Variants in NFATC1 observed in about 807,000 individuals in gnomAD.
NFATC1 encodes the protein nuclear factor of activated T-cells, cytoplasmic 1.
In NFATC1, 22 loss-of-function variants were observed where a neutral mutation model predicts 76.0. That is an observed-to-expected ratio of 0.29 (90% CI 0.21 to 0.41). The LOEUF (loss-of-function observed/expected upper bound fraction) is 0.41. Among genes scored for constraint, NFATC1 ranks in the 10% least tolerant of loss-of-function variants. NFATC1 has a pLI of 1.00. For missense variants in NFATC1, 1,357 were observed against 1,337.7 expected (o/e 1.01, Z -0.23); for synonymous variants, 704 against 613.1 (o/e 1.15, Z -2.19).
At chr18:79,508,479 T>G (rs1308765729) in intron 9 of NFATC1, among the ~76,000 whole-genome samples, 1 of 152,158 alleles carries the variant, frequency 6.6e-6, no homozygotes, top group Non-Finnish European at 1.5e-5. Context: ...TATCTGTTAA[T>G]TAGGTGTTTA....
In NFATC1 at chr18:79,465,463, C is replaced by G. The variant is rs545254838; in HGVS notation, c.1960-1987C>G. On this transcript the variant is annotated intron_variant, in intron 7 of 9. Transcript: ENST00000427363. The surrounding 1 kb of genome is among the most constrained non-coding windows in gnomAD (Gnocchi z 4.2). ...CAAGGTCCCGCCTCCGCCCAGCCAG[C>G]CTGGCCCACGGAATCTCCGCCTCTG... Among the ~76,000 whole-genome samples the G allele has an allele frequency of 6.6e-6, 1 of 151,362 alleles. No homozygotes were observed. Among genetic ancestry groups the G allele is most frequent in the African/African-American group, 2.4e-5 (1 of 41,234 alleles).
At chr18:79,507,053 G>C (rs1349397455) in intron 9 of NFATC1, among the ~76,000 whole-genome samples, 1 of 152,222 alleles carries the variant, frequency 6.6e-6, no homozygotes, top group Admixed American at 6.5e-5. Context: ...TCACCCCAGA[G>C]CTGTGGCTGG....
In NFATC1 at chr18:79,411,216, C is replaced by T; in HGVS notation, c.941C>T (p.Ala314Val). Residue 314 changes from alanine (A) to valine (V), a missense_variant, in exon 2 of 10, where the codon GCC becomes GTC. Ala to Val is a moderately conservative substitution (Grantham distance 64, BLOSUM62 0). Transcript: ENST00000427363. ...CAGTACACCAGCTCGGCCATCGTGG[C>T]CGCCATCAACGCGCTGACCACCGAC... ...TTQYTSSAIV[A>V]AINALTTDSS... is the part of the protein sequence containing the mutation. The T allele has an allele frequency of 6.2e-7, 1 of 1,607,308 alleles. No individual in the cohort carries two copies.
At chr18:79,440,222 A>G (rs1012217970) in intron 3 of NFATC1, among the ~76,000 whole-genome samples, 2 of 152,116 alleles carry the variant, frequency 1.3e-5, no homozygotes, top group African/African-American at 4.8e-5. Context: ...GCTTTGGGAA[A>G]ATTTAAGATG....
At position 79,524,653 on chromosome 18, in the gene NFATC1, C is replaced by G. The variant is rs906814335; in HGVS notation, c.2783-2875C>G. 4.6e-5 allele frequency among the ~76,000 whole-genome samples: 7 copies of G among 152,142 alleles called. No individual in the cohort carries two copies. The highest frequency in any genetic ancestry group is 1.7e-4 in the African/African-American group (7 of 41,418). On this transcript the variant is annotated intron_variant, in intron 9 of 9. Transcript: ENST00000427363. This position sits in a 1 kb window ranked among gnomAD's most constrained non-coding sequence, Gnocchi z 7.2. ...CTCGACAGCTCTCTTGAGGTCGGCC[C>G]TCCTCCCCTCCCGAGAGCTCAGCAG...
rs541861358 is a variant in NFATC1, at chr18:79,443,453, A to G, written c.1387-5329A>G. Among the ~76,000 whole-genome samples, 5 of 152,320 alleles carry G rather than the reference A, an allele frequency of 3.3e-5. No individual in the cohort carries two copies. The South Asian group carries it at 1.0e-3, about 32-fold the overall frequency. On this transcript the variant is annotated intron_variant, in intron 3 of 9. Transcript: ENST00000427363. ...TCACCCAGGGCCTCTCGTGCAGGAAACTGCATGGACACGTCGTCCTGTTCC... is the reference window on the plus strand; with the variant it reads ...TCACCCAGGGCCTCTCGTGCAGGAAGCTGCATGGACACGTCGTCCTGTTCC...
chr18:79,496,164 C>T (rs1329141074), intron 9 of NFATC1: 3 of 152,690 alleles, frequency 2.0e-5, no homozygotes, highest in African/African-American at 4.8e-5. Context: ...TTTTAAGTGG[C>T]ATTGTCTCCA....
At chr18:79,397,514 C>A (rs902930836) in intron 1 of NFATC1, among the ~76,000 whole-genome samples, 1 of 152,216 alleles carries the variant, frequency 6.6e-6, no homozygotes, top group Non-Finnish European at 1.5e-5. Context: ...GTGGTCGGTG[C>A]CCTGACGCTT....
chr18:79,527,350 G>A, intron 9 of NFATC1, 178 bp from the exon 10 acceptor site: 1 of 583,360 alleles, frequency 1.7e-6, no homozygotes, highest in Non-Finnish European at 3.1e-6. Context: ...TGCCGAGGCA[G>A]CCAGGCACTG....
chr18:79,449,559 CGA>C (rs2087368453), intron 4 of NFATC1, among the ~76,000 whole-genome samples: 1 of 152,210 alleles, frequency 6.6e-6, no homozygotes, highest in South Asian at 2.1e-4. Flanking sequence ...TGCTGGTTCC[CGA>C]GAGATTGATG....
intron 8 of NFATC1, among the ~76,000 whole-genome samples, chr18:79,473,703 G>A (rs1278902982): frequency 6.7e-6 from 1 of 149,850 alleles, no homozygotes; most frequent in Non-Finnish European, 1.5e-5. Flanking sequence ...CACACTCACT[G>A]TCGACGTTGC....
intron 2 of NFATC1, 40 bp from the exon 3 acceptor site, chr18:79,433,539 G>T (rs1242388086): frequency 6.2e-6 from 10 of 1,611,544 alleles, no homozygotes; most frequent in Non-Finnish European, 7.6e-6. Context: ...GGCGAGGTCT[G>T]TGTGGTGCTG....
intron 6 of NFATC1, among the ~76,000 whole-genome samples, chr18:79,453,331 C>A (rs1379412461): frequency 6.6e-6 from 1 of 152,240 alleles, no homozygotes; most frequent in Non-Finnish European, 1.5e-5. Context: ...GAGCCTCCCC[C>A]CGAATGCAGT....
intron 8 of NFATC1, among the ~76,000 whole-genome samples, chr18:79,483,651 G>A (rs1403736342): frequency 6.8e-6 from 1 of 148,036 alleles, no homozygotes; most frequent in Non-Finnish European, 1.5e-5. Flanking sequence ...CTGGTCCTGG[G>A]GTGTAATTCC....
Position 79,467,580 on chromosome 18 carries a change from AC to A in NFATC1, c.2091del (p.Asn697LysfsTer5). 1 of 1,613,822 alleles carries A rather than the reference AC, an allele frequency of 6.2e-7. No individual in the cohort carries two copies. Among genetic ancestry groups the A allele is most frequent in the Non-Finnish European group, 8.5e-7 (1 of 1,179,908 alleles). On this transcript the variant is annotated frameshift_variant and splice_region_variant, in exon 8 of 10. Transcript: ENST00000427363. LOFTEE classifies it high-confidence loss of function. Reference sequence around the variant, plus strand: ...CAGCGTTTCACCTACCTTCCCGCCAACGGTAACGCCATCTTTCTAACCGTAA... The same window carrying A: ...CAGCGTTTCACCTACCTTCCCGCCAAGGTAACGCCATCTTTCTAACCGTAA... ...QYQRFTYLPA[N>X]VPIIKTEPTD... is the part of the protein sequence containing the mutation.
intron 6 of NFATC1, among the ~76,000 whole-genome samples, chr18:79,456,925 ACCT>A (rs2087764302): frequency 6.6e-6 from 1 of 152,114 alleles, no homozygotes; most frequent in South Asian, 2.1e-4. Flanking sequence ...CTCAGCTGTC[ACCT>A]CCTGAAGATG....
intron 9 of NFATC1, among the ~76,000 whole-genome samples, chr18:79,518,238 T>C (rs1389533123): frequency 6.6e-6 from 1 of 152,206 alleles, no homozygotes; most frequent in Non-Finnish European, 1.5e-5. Context: ...TTCCCATCGC[T>C]TTCCCGGTCG....
At position 79,410,065 on chromosome 18, in the gene NFATC1, T is replaced by G; in HGVS notation, c.128-338T>G. ...GAAGGACGTTCGGATGAAGATGGGG[T>G]GGTTGGGGAAGGTGGTTTTTGAATG... On this transcript the variant is annotated intron_variant, in intron 1 of 9. Transcript: ENST00000427363. The surrounding 1 kb of genome is among the most constrained non-coding windows in gnomAD (Gnocchi z 6.7). The G allele has an allele frequency of 1.6e-6, 1 of 636,552 alleles. No individual in the cohort carries two copies. The highest frequency in any genetic ancestry group is 3.0e-6 in the Non-Finnish European group (1 of 336,838). 39.4% of individuals were successfully genotyped at this position (636,552 alleles called of 1,614,324 possible).
intron 9 of NFATC1, among the ~76,000 whole-genome samples, chr18:79,488,800 C>T (rs1405539368): frequency 6.6e-6 from 1 of 152,210 alleles, no homozygotes; most frequent in Non-Finnish European, 1.5e-5. Flanking sequence ...TCTCTTTCCA[C>T]CTGCCATGCC....
Sources: allele counts gnomAD v4.1 joint callset (sites outside exome capture counted in the v4.1 genomes callset), GRCh38; gene constraint gnomAD v4.1.1; non-coding constraint Gnocchi (gnomAD v3.1); transcripts MANE v1.5; gene names NCBI Gene and HGNC (gene_info 2026-07-23, HGNC 2026-07-21).